Variants in PTPN13 observed in about 807,000 individuals in gnomAD.
PTPN13 encodes protein tyrosine phosphatase non-receptor type 13, also known as tyrosine-protein phosphatase non-receptor type 13.
A neutral mutation model predicts 284.0 loss-of-function variants in PTPN13; 191 were observed. The observed-to-expected ratio is 0.67, with a 90% CI of 0.60 to 0.76. The LOEUF (loss-of-function observed/expected upper bound fraction) is 0.76. Among genes scored for constraint, PTPN13 ranks in the 30% least tolerant of loss-of-function variants. PTPN13 has a pLI of 0.00. For missense variants in PTPN13, 2,797 were observed against 2,939.9 expected (o/e 0.95, Z 1.12); for synonymous variants, 986 against 1,022.3 (o/e 0.96, Z 0.68).
chr4:86,805,091 T>C (rs1044680082), intron 43 of PTPN13, among the ~76,000 whole-genome samples, 188 bp from the exon 44 acceptor site: 4 of 152,194 alleles, frequency 2.6e-5, no homozygotes, highest in African/African-American at 9.7e-5. Flanking sequence ...TAAAAGATAC[T>C]TGTAACAATA....
Position 86,771,620 on chromosome 4 carries a change from A to G in PTPN13, c.5168+85A>G. ...GCAACATGCATTTCTCTTAAGAATG[A>G]AATGTATGTATCTGTGACCTTCACA... On this transcript the variant is annotated intron_variant, in intron 31 of 47. Coordinates refer to ENST00000411767, the MANE Select transcript of PTPN13 (RefSeq NM_080683.3). The G allele has an allele frequency of 2.2e-6, 3 of 1,353,816 alleles. 1 individual carries two copies. In the South Asian group the frequency reaches 4.4e-5, roughly 20 times the overall value. The allele number at this position is 1,353,816 out of a possible 1,614,324, so 83.9% of individuals were successfully genotyped here.
At chr4:86,758,874 T>C in intron 22 of PTPN13, 68 bp from the exon 23 acceptor site, 6 of 1,584,914 alleles carry the variant, frequency 3.8e-6, no homozygotes, top group Admixed American at 1.8e-5. Context: ...GAGAAAGAGA[T>C]GATATTTCTA....
intron 40 of PTPN13, among the ~76,000 whole-genome samples, chr4:86,795,421 A>T (rs1578694979): frequency 2.0e-5 from 3 of 152,204 alleles, no homozygotes; most frequent in Admixed American, 6.5e-5. Context: ...AGAAATAGGA[A>T]CGCTTTTACA....
At chr4:86,614,703 T>G (rs1299724398) in intron 1 of PTPN13, among the ~76,000 whole-genome samples, 1 of 152,130 alleles carries the variant, frequency 6.6e-6, no homozygotes, top group African/African-American at 2.4e-5. Context: ...AATGTAAAGC[T>G]TGCTTACTCG....
At chr4:86,690,742 A>T (rs1046408380) in intron 5 of PTPN13, among the ~76,000 whole-genome samples, 32 of 151,824 alleles carry the variant, frequency 2.1e-4, no homozygotes, top group African/African-American at 7.7e-4. Flanking sequence ...TGAATGAAGA[A>T]TTTTTTTTCT....
At chr4:86,750,920 T>G in intron 18 of PTPN13, 33 bp downstream of exon 18, 1 of 1,589,798 alleles carries the variant, frequency 6.3e-7, no homozygotes, top group Non-Finnish European at 8.6e-7. Context: ...AATTACATAT[T>G]TGTAAATTCT....
Position 86,722,446 on chromosome 4 carries a change from C to T in PTPN13, c.1608+12C>T. The T allele has an allele frequency of 6.3e-7, 1 of 1,595,950 alleles. No homozygotes were observed. The highest frequency in any genetic ancestry group is 8.6e-7 in the Non-Finnish European group (1 of 1,163,618). ...AAAGAAAACTGAGGGTAAGTTGATT[C>T]TCAGGTTACTACACATCTAAACCTG... On this transcript the variant is annotated intron_variant, in intron 10 of 47. Transcript: ENST00000411767.
At position 86,750,338 on chromosome 4, in the gene PTPN13, C is replaced by T. The variant is rs1737241109; in HGVS notation, c.2651-132C>T. The T allele has an allele frequency of 6.1e-6, 5 of 814,188 alleles. No homozygotes were observed. In the South Asian group the frequency reaches 9.6e-5, roughly 16 times the overall value. 50.4% of individuals were successfully genotyped at this position (814,188 alleles called of 1,614,324 possible). A position where few individuals can be genotyped will look rare whatever the true frequency, so the allele number is the denominator to read the frequency against. On this transcript the variant is annotated intron_variant, in intron 17 of 47. Coordinates refer to ENST00000411767, the MANE Select transcript of PTPN13 (RefSeq NM_080683.3). ...CCTTTTTAAAACCCTGATTGCCACA[C>T]TTTGAAAGCTACCTACTTATGCTGG... is the stretch of plus-strand genomic sequence containing the variant.
chr4:86,725,349 G>A (rs1393311041), intron 10 of PTPN13, among the ~76,000 whole-genome samples: 2 of 149,118 alleles, frequency 1.3e-5, no homozygotes, highest in Non-Finnish European at 3.0e-5. Flanking sequence ...AGGATCGCTG[G>A]GTCAAATGGT....
chr4:86,734,606 C>T, intron 13 of PTPN13, 131 bp from the exon 14 acceptor site: 2 of 1,273,714 alleles, frequency 1.6e-6, no homozygotes, highest in Non-Finnish European at 2.1e-6. Flanking sequence ...TTATCTAATC[C>T]TTATGCCTTA....
At chr4:86,730,465 C>T (rs1327810097) in intron 10 of PTPN13, among the ~76,000 whole-genome samples, 1 of 149,806 alleles carries the variant, frequency 6.7e-6, no homozygotes, top group Non-Finnish European at 1.5e-5. Flanking sequence ...GCTCCACCCA[C>T]TTCGAGGTTC....
intron 1 of PTPN13, among the ~76,000 whole-genome samples, chr4:86,611,916 G>A (rs190803841): frequency 2.5e-3 from 381 of 152,262 alleles, no homozygotes; most frequent in South Asian, 6.8e-3. Flanking sequence ...CCACACAAAA[G>A]GATTCAAAGA....
chr4:86,766,526 T>C lies in PTPN13; in HGVS notation c.4329+9T>C. 2 of 1,579,872 alleles carry C rather than the reference T, an allele frequency of 1.3e-6. No homozygotes were observed. The highest frequency in any genetic ancestry group is 1.7e-6 in the Non-Finnish European group (2 of 1,160,848). On this transcript the variant is annotated intron_variant, in intron 27 of 47. Transcript: ENST00000411767. ...TGAGAAATACAGGACAGGTAACAGA[T>C]CATTATACCAACCTTTTACAGTACC...
intron 7 of PTPN13, among the ~76,000 whole-genome samples, chr4:86,714,695 G>A (rs1447221814): frequency 6.6e-6 from 1 of 151,962 alleles, no homozygotes; most frequent in African/African-American, 2.4e-5. Context: ...GAAAATAGTT[G>A]TCTTAAAGGT....
intron 23 of PTPN13, among the ~76,000 whole-genome samples, chr4:86,759,826 C>T (rs985527380): frequency 6.6e-6 from 1 of 152,132 alleles, no homozygotes; most frequent in Admixed American, 6.6e-5. Context: ...AGAATGAGCA[C>T]ATTGCCTGGT....
chr4:86,758,480 A>G (rs890354844), intron 21 of PTPN13, 131 bp downstream of exon 21: 17 of 919,786 alleles, frequency 1.8e-5, no homozygotes, highest in Non-Finnish European at 3.3e-6. Flanking sequence ...CCCACCTACA[A>G]GCCCATCAAC....
At chr4:86,802,029 T>A (rs555822372) in intron 42 of PTPN13, among the ~76,000 whole-genome samples, 3 of 152,304 alleles carry the variant, frequency 2.0e-5, no homozygotes, top group South Asian at 4.1e-4. Flanking sequence ...TCTGTTTTTT[T>A]AAAATAATTT....
rs778457376 is a variant in PTPN13, at chr4:86,811,104, C to T, written c.7358C>T (p.Thr2453Ile). ...MRLQRHGMVQTEDQYIFCYQV... is the reference protein window; with the variant it reads ...MRLQRHGMVQIEDQYIFCYQV... ...CTACAAAGACACGGAATGGTTCAGACAGAGGTGAGTCATGGCTGGGCCTCC... is the reference window on the plus strand; with the variant it reads ...CTACAAAGACACGGAATGGTTCAGATAGAGGTGAGTCATGGCTGGGCCTCC... Residue 2453 changes from threonine (T) to isoleucine (I), a missense_variant, in exon 47 of 48, where the codon ACA becomes ATA. Physicochemically the swap from Thr to Ile is moderately conservative, Grantham distance 89. Transcript: ENST00000411767. 1 of 1,612,644 alleles carries T rather than the reference C, an allele frequency of 6.2e-7. No homozygotes were observed. The highest frequency in any genetic ancestry group is 1.1e-5 in the South Asian group (1 of 90,940).
In PTPN13 at chr4:86,799,130, CTGA is replaced by C. The variant is rs774601612; in HGVS notation, c.6441_6443del (p.Asp2147del). ...ATTCAGAAGCCACAAGAAAAGAAGA[CTGA>C]TGATGATGAAATAACATGGGGAAAT... On this transcript the variant is annotated inframe_deletion, in exon 42 of 48. Coordinates refer to ENST00000411767, the MANE Select transcript of PTPN13 (RefSeq NM_080683.3). 7 of 1,589,424 alleles carry C rather than the reference CTGA, an allele frequency of 4.4e-6. No individual in the cohort carries two copies. The Admixed American group carries it at 8.9e-5, about 20-fold the overall frequency.
Sources: allele counts gnomAD v4.1 joint callset (sites outside exome capture counted in the v4.1 genomes callset), GRCh38; gene constraint gnomAD v4.1.1; transcripts MANE v1.5; gene names NCBI Gene and HGNC (gene_info 2026-07-23, HGNC 2026-07-21).